The following SCEL variants were observed in gnomAD, a reference collection of about 807,000 sequenced individuals.
SCEL encodes sciellin.
Under a neutral mutation model 117.6 loss-of-function variants are expected in SCEL, and 113 were observed. The observed-to-expected ratio is 0.96, with a 90% CI of 0.83 to 1.12. The LOEUF (loss-of-function observed/expected upper bound fraction) is 1.12, where lower values mean the gene tolerates loss of function less well. Among genes scored for constraint, SCEL ranks in the 50% most tolerant of loss-of-function variants. The pLI is 0.00. For synonymous variants in SCEL, 270 were observed against 256.2 expected, an observed-to-expected ratio of 1.05 and a Z score of -0.51; for missense variants, 785 against 810.8, an observed-to-expected ratio of 0.97 and a Z score of 0.39.
At chr13:77,551,190 T>G (rs909116552) in intron 1 of SCEL, among the ~76,000 whole-genome samples, 2 of 152,154 alleles carry the variant, frequency 1.3e-5, no homozygotes, top group African/African-American at 2.4e-5. Context: ...ATCTGGGAGT[T>G]GGAGGGACCA....
At position 77,541,241 on chromosome 13, in the gene SCEL, A is replaced by C. The variant is rs553141052; in HGVS notation, c.-20+5417A>C. On this transcript the variant is annotated intron_variant, in intron 1 of 32. Transcript: ENST00000349847. ...TCAATGGATAATTTATAAAATAAGA[A>C]AGAAAATGCCCTGTAAAGTGAAGAA... Among the ~76,000 whole-genome samples, 5 of 150,860 alleles carry C rather than the reference A, an allele frequency of 3.3e-5. No individual in the cohort carries two copies. In the South Asian group the frequency reaches 1.0e-3, roughly 31 times the overall value.
intron 9 of SCEL, among the ~76,000 whole-genome samples, chr13:77,580,808 G>T (rs61965796): frequency 6.6e-6 from 1 of 152,126 alleles, no homozygotes; most frequent in South Asian, 2.1e-4. Context: ...TAGTAGAAAC[G>T]CATCTGGGAA....
At chr13:77,544,013 C>T (rs527397899) in intron 1 of SCEL, among the ~76,000 whole-genome samples, 1 of 152,138 alleles carries the variant, frequency 6.6e-6, no homozygotes, top group Non-Finnish European at 1.5e-5. Context: ...CCCTATCCTT[C>T]CGCAAGAAGA....
chr13:77,593,295 T>TGTGTGTGTGTGTGTGTGTGTGCGCGC, intron 11 of SCEL, among the ~76,000 whole-genome samples: 1 of 136,884 alleles, frequency 7.3e-6, no homozygotes, highest in African/African-American at 2.8e-5. Context: ...TGTGTGTGTG[T>TGTGTGTGTGTGTGTGTGTGTGCGCGC]GTCTGTGTGT....
intron 9 of SCEL, 112 bp from the exon 10 acceptor site, chr13:77,589,032 G>A: frequency 2.7e-6 from 2 of 751,444 alleles, no homozygotes; most frequent in South Asian, 1.8e-5. Context: ...ACACATGGGG[G>A]TTGTAAGATG....
Position 77,609,804 on chromosome 13 carries a change from G to A in SCEL, c.1278-243G>A, listed in dbSNP as rs1206849454. On this transcript the variant is annotated intron_variant, in intron 21 of 32. Transcript: ENST00000349847. The stretch of plus-strand genomic sequence containing the variant: ...GACAAATCATGTAAATCACTAAGAA[G>A]AGTGCCTGGCCTGGGACATCAAACA... 8.5e-5 allele frequency among the ~76,000 whole-genome samples: 13 copies of A among 152,148 alleles called. 1 individual carries two copies. The highest frequency in any genetic ancestry group is 8.5e-4 in the Admixed American group (13 of 15,278).
rs2089151202 is a variant in SCEL, at chr13:77,617,630, A to G, written c.1483A>G (p.Asn495Asp). 8 of 1,598,312 alleles carry G rather than the reference A, an allele frequency of 5.0e-6. No individual in the cohort carries two copies. The highest frequency in any genetic ancestry group is 1.7e-4 in the Middle Eastern group (1 of 5,992). ...KQDLDKLIKV[N>D]PEIFTNNQRN... ...AGATCTTGATAAACTCATCAAGGTG[A>G]ATCCTGAAATTTTCACAAACAACCA... Residue 495 changes from asparagine (N) to aspartate (D), a missense_variant, in exon 25 of 33, where the codon AAT becomes GAT. Transcript: ENST00000349847.
At chr13:77,578,527 G>A (rs985508461) in intron 9 of SCEL, among the ~76,000 whole-genome samples, 3 of 152,144 alleles carry the variant, frequency 2.0e-5, no homozygotes, top group Non-Finnish European at 2.9e-5. Flanking sequence ...GATCAACTGT[G>A]GGGGCATGAG....
intron 7 of SCEL, among the ~76,000 whole-genome samples, chr13:77,568,835 A>T (rs896293848): frequency 1.3e-5 from 2 of 152,196 alleles, no homozygotes; most frequent in South Asian, 4.1e-4. Context: ...AGATTTATAA[A>T]CTTACTTTAT....
chr13:77,595,595 C>T (rs538199455), intron 12 of SCEL, among the ~76,000 whole-genome samples: 78 of 152,050 alleles, frequency 5.1e-4, no homozygotes, highest in African/African-American at 1.8e-3. Context: ...GTCAGGAAAG[C>T]CTGGGGCTAA....
intron 1 of SCEL, 79 bp from the exon 2 acceptor site, chr13:77,555,778 G>A (rs1445824215): frequency 3.2e-6 from 3 of 935,716 alleles, no homozygotes; most frequent in Admixed American, 1.8e-5. Context: ...ATTGAAAAGT[G>A]AATCTCAGTC....
At chr13:77,583,535 G>C (rs2086384481) in intron 9 of SCEL, among the ~76,000 whole-genome samples, 1 of 152,124 alleles carries the variant, frequency 6.6e-6, no homozygotes, top group Non-Finnish European at 1.5e-5. Context: ...TTATGAATGG[G>C]GCAGTTGTGG....
At chr13:77,576,317 C>CCCA (rs386379842) in intron 9 of SCEL, among the ~76,000 whole-genome samples, 1 of 930 alleles carries the variant, frequency 1.1e-3, no homozygotes, top group Non-Finnish European at 2.2e-3. Context: ...CCAGCACACT[C>CCCA]CAACACACTC....
chr13:77,601,925 T>G (rs550922431), intron 15 of SCEL, 140 bp from the exon 16 acceptor site: 1 of 534,442 alleles, frequency 1.9e-6, no homozygotes, highest in South Asian at 3.2e-5. Context: ...CAAGGACTTC[T>G]GATCCTTTAG....
chr13:77,635,118 C>T (rs1388501288), intron 29 of SCEL, among the ~76,000 whole-genome samples: 1 of 152,184 alleles, frequency 6.6e-6, no homozygotes, highest in Non-Finnish European at 1.5e-5. Flanking sequence ...AGGGAAGCTT[C>T]TGTGTGGATG....
chr13:77,641,120 A>C (rs7995109), intron 31 of SCEL, among the ~76,000 whole-genome samples: 25,195 of 152,174 alleles, frequency 0.17, 2,420 homozygotes, highest in East Asian at 0.45. Context: ...ATATGTGATG[A>C]AATCAAAACA....
rs141782834 is a variant in SCEL, at chr13:77,626,428, G to A, written c.1629-1519G>A. On this transcript the variant is annotated intron_variant, in intron 27 of 32. Coordinates refer to ENST00000349847, the MANE Select transcript of SCEL (RefSeq NM_144777.3). ...ATTCTCACCACAATTGTATGAGTTTGGACATTAGTGTCCTTCTTTACAAAA... is the reference window on the plus strand; with the variant it reads ...ATTCTCACCACAATTGTATGAGTTTAGACATTAGTGTCCTTCTTTACAAAA... Among the ~76,000 whole-genome samples, 8 of 152,222 alleles carry A rather than the reference G, an allele frequency of 5.3e-5. No individual in the cohort carries two copies. The East Asian group carries it at 1.4e-3, about 26-fold the overall frequency.
chr13:77,541,653 TG>T (rs2083707983), intron 1 of SCEL, among the ~76,000 whole-genome samples: 1 of 152,196 alleles, frequency 6.6e-6, no homozygotes, highest in African/African-American at 2.4e-5. Context: ...AGGCTCTAAA[TG>T]GGCAAAGAAA....
At chr13:77,550,042 C>T (rs1409173837) in intron 1 of SCEL, among the ~76,000 whole-genome samples, 1 of 148,566 alleles carries the variant, frequency 6.7e-6, no homozygotes, top group East Asian at 2.0e-4. Flanking sequence ...ATATAATTTA[C>T]ATGCCATAAA....
Sources: gnomAD v4.1 joint callset for allele counts (sites outside exome capture counted in the v4.1 genomes callset) on GRCh38, gnomAD v4.1.1 for gene constraint, MANE v1.5 for transcripts, NCBI Gene and HGNC (gene_info 2026-07-23, HGNC 2026-07-21) for gene names.